The following COL14A1 variants were observed in gnomAD, a reference collection of about 807,000 sequenced individuals.
COL14A1 encodes collagen alpha-1(XIV) chain.
COL14A1 carries 136 observed loss-of-function variants against 230.3 expected under a neutral mutation model. The ratio of observed to expected loss-of-function variants is 0.59; its 90% confidence interval spans 0.51 to 0.68. The LOEUF is 0.68. Ranked by LOEUF, COL14A1 falls within the 30% of genes least tolerant of loss-of-function variation. The pLI is 0.00. For missense variants in COL14A1, 1,976 were observed against 2,215.8 expected (o/e 0.89, Z 2.17); for synonymous variants, 792 against 784.1 (o/e 1.01, Z -0.17).
At chr8:120,183,889 ACTTCT>A (rs1816558413) in intron 5 of COL14A1, among the ~76,000 whole-genome samples, 1 of 151,698 alleles carries the variant, frequency 6.6e-6, no homozygotes, top group African/African-American at 2.4e-5. Flanking sequence ...TCTCCGAAAT[ACTTCT>A]CTTCTGTGAT....
At chr8:120,297,079 A>G (rs531764852) in intron 34 of COL14A1, among the ~76,000 whole-genome samples, 86 of 152,148 alleles carry the variant, frequency 5.7e-4, no homozygotes, top group Middle Eastern at 6.8e-3. Flanking sequence ...TGCTTTTTAT[A>G]TGCCACATAT....
At position 120,278,092 on chromosome 8, in the gene COL14A1, A is replaced by G; in HGVS notation, c.3214-19A>G. On this transcript the variant is annotated intron_variant, in intron 26 of 47. Transcript: ENST00000297848. Reference sequence around the variant, plus strand: ...GAAGTCTACATATGTGTGAAAATGAATACACCTTCTCTCTCCAGGTTGCAA... The same window carrying G: ...GAAGTCTACATATGTGTGAAAATGAGTACACCTTCTCTCTCCAGGTTGCAA... The G allele has an allele frequency of 6.3e-7, 1 of 1,589,788 alleles. No individual in the cohort carries two copies. Among genetic ancestry groups the G allele is most frequent in the Non-Finnish European group, 8.5e-7 (1 of 1,170,434 alleles).
chr8:120,330,329 A>T (rs1331611954), intron 40 of COL14A1, among the ~76,000 whole-genome samples: 1 of 152,154 alleles, frequency 6.6e-6, no homozygotes, highest in Non-Finnish European at 1.5e-5. Flanking sequence ...CCTGTGTATT[A>T]TTATTCTCAC....
chr8:120,344,253 C>G (rs1364803998), intron 44 of COL14A1, among the ~76,000 whole-genome samples: 1 of 152,252 alleles, frequency 6.6e-6, no homozygotes, highest in South Asian at 2.1e-4. Flanking sequence ...TTGCCTTACA[C>G]TACTTCAGTT....
At chr8:120,220,283 T>TTTC (rs1817887011) in intron 14 of COL14A1, among the ~76,000 whole-genome samples, 1 of 151,496 alleles carries the variant, frequency 6.6e-6, no homozygotes, top group African/African-American at 2.4e-5. Context: ...ATTGATTTTT[T>TTTC]TTTTTTTTTG....
intron 5 of COL14A1, among the ~76,000 whole-genome samples, chr8:120,174,214 T>A (rs937913018): frequency 6.6e-6 from 1 of 152,108 alleles, no homozygotes; most frequent in Non-Finnish European, 1.5e-5. Context: ...GGTTTGTTAA[T>A]ATTTTTAAGG....
chr8:120,355,360 C>A (rs28651511), intron 45 of COL14A1, among the ~76,000 whole-genome samples: 7,050 of 150,992 alleles, frequency 0.047, 216 homozygotes, highest in African/African-American at 0.079. Context: ...AATTAAGTTT[C>A]TTTATTCAGT....
At chr8:120,183,467 T>C (rs1356725108) in intron 5 of COL14A1, among the ~76,000 whole-genome samples, 1 of 152,176 alleles carries the variant, frequency 6.6e-6, no homozygotes, top group Non-Finnish European at 1.5e-5. Context: ...TCTTTGGACA[T>C]CCTGTCTGTA....
At chr8:120,288,552 C>T (rs551840122) in intron 33 of COL14A1, among the ~76,000 whole-genome samples, 93 of 152,270 alleles carry the variant, frequency 6.1e-4, no homozygotes, top group Admixed American at 3.3e-3. Flanking sequence ...ACTCCCATAA[C>T]TTTGATTGTA....
chr8:120,370,960 A>G (rs1823566192), intron 47 of COL14A1, 192 bp from the exon 48 acceptor site: 5 of 1,103,828 alleles, frequency 4.5e-6, no homozygotes, highest in Non-Finnish European at 5.0e-6. Flanking sequence ...TCTGTAATGT[A>G]TCTTTCCCTT....
chr8:120,340,083 A>G (rs1303405797), intron 42 of COL14A1, among the ~76,000 whole-genome samples: 3 of 139,500 alleles, frequency 2.2e-5, no homozygotes, highest in African/African-American at 5.4e-5. Flanking sequence ...ATGTGTGTGT[A>G]TGTGGTGTAT....
At chr8:120,328,207 A>G (rs1821748326) in intron 40 of COL14A1, among the ~76,000 whole-genome samples, 1 of 152,140 alleles carries the variant, frequency 6.6e-6, no homozygotes, top group Non-Finnish European at 1.5e-5. Flanking sequence ...GTAGAATTTA[A>G]AGCAAACAAA....
chr8:120,285,758 T>A, intron 32 of COL14A1, 103 bp from the exon 33 acceptor site: 2 of 743,298 alleles, frequency 2.7e-6, no homozygotes, highest in Non-Finnish European at 4.4e-6. Context: ...CTAAATACAG[T>A]TTCAAAACAA....
intron 2 of COL14A1, among the ~76,000 whole-genome samples, chr8:120,149,233 T>C (rs1014482207): frequency 2.6e-5 from 4 of 152,250 alleles, no homozygotes; most frequent in Non-Finnish European, 2.9e-5. Context: ...GCATTGAGGG[T>C]TGTAGAAAAG....
intron 19 of COL14A1, among the ~76,000 whole-genome samples, chr8:120,236,895 A>G (rs1454903998): frequency 6.6e-6 from 1 of 152,184 alleles, no homozygotes; most frequent in Non-Finnish European, 1.5e-5. Context: ...TTGGCTGGAT[A>G]TGAAATTCTG....
intron 2 of COL14A1, among the ~76,000 whole-genome samples, chr8:120,157,587 G>A (rs2130518324): frequency 6.6e-6 from 1 of 152,278 alleles, no homozygotes; most frequent in Admixed American, 6.5e-5. Context: ...TTGTCATAAG[G>A]TCACTACTGT....
At chr8:120,241,618 A>AT (rs982915396) in intron 19 of COL14A1, among the ~76,000 whole-genome samples, 2 of 152,078 alleles carry the variant, frequency 1.3e-5, no homozygotes, top group African/African-American at 4.8e-5. Context: ...GTAGGAGCAC[A>AT]TTTTTTTACT....
chr8:120,286,906 A>G (rs1464309764), intron 33 of COL14A1, among the ~76,000 whole-genome samples: 1 of 152,170 alleles, frequency 6.6e-6, no homozygotes, highest in African/African-American at 2.4e-5. Context: ...ATTGGGGTGG[A>G]CATCTACCAA....
intron 7 of COL14A1, among the ~76,000 whole-genome samples, 193 bp from the exon 8 acceptor site, chr8:120,199,209 C>T (rs1563667022): frequency 6.6e-6 from 1 of 152,104 alleles, no homozygotes; most frequent in Non-Finnish European, 1.5e-5. Flanking sequence ...TAATTATTTT[C>T]ATTACCTTTA....
Sources: gnomAD v4.1 joint callset for allele counts (sites outside exome capture counted in the v4.1 genomes callset) on GRCh38, gnomAD v4.1.1 for gene constraint, MANE v1.5 for transcripts, NCBI Gene and HGNC (gene_info 2026-07-23, HGNC 2026-07-21) for gene names.